Variants in DISC1 observed in about 807,000 individuals in gnomAD.
DISC1 encodes disrupted in schizophrenia 1 protein.
Under a neutral mutation model 84.5 loss-of-function variants are expected in DISC1, and 57 were observed. The observed-to-expected ratio is 0.67, with a 90% CI of 0.55 to 0.84. The LOEUF is 0.84. Among genes scored for constraint, DISC1 ranks in the 40% least tolerant of loss-of-function variants. The pLI, the probability that DISC1 is intolerant of heterozygous loss-of-function variation, is 0.00. For synonymous variants in DISC1, 411 were observed against 415.2 expected (o/e 0.99, Z 0.12); for missense variants, 1,000 against 1,057.8 (o/e 0.95, Z 0.76).
At chr1:231,891,699 C>T (rs761664906) in intron 9 of DISC1, among the ~76,000 whole-genome samples, 3 of 151,980 alleles carry the variant, frequency 2.0e-5, no homozygotes, top group Admixed American at 6.5e-5. Flanking sequence ...GTGGTGTGGG[C>T]GTCACCTGCT....
intron 9 of DISC1, among the ~76,000 whole-genome samples, chr1:231,949,605 CCTGGAAAACA>C (rs1657946536): frequency 6.6e-6 from 1 of 152,124 alleles, no homozygotes; most frequent in Non-Finnish European, 1.5e-5. Flanking sequence ...GCACCTCCAG[CCTGGAAAACA>C]CTGCGTAGTC....
At chr1:231,628,972 A>G (rs1274828012) in intron 1 of DISC1, among the ~76,000 whole-genome samples, 2 of 152,006 alleles carry the variant, frequency 1.3e-5, no homozygotes, top group Non-Finnish European at 2.9e-5. Flanking sequence ...CCTGGCTTCA[A>G]TCATTCCTCC....
At chr1:231,659,221 G>A (rs796397571) in intron 1 of DISC1, among the ~76,000 whole-genome samples, 34 of 152,180 alleles carry the variant, frequency 2.2e-4, no homozygotes, top group African/African-American at 7.7e-4. Flanking sequence ...GGGTGTATGT[G>A]TCTAGGAATT....
At chr1:231,918,930 T>C (rs1040775032) in intron 9 of DISC1, among the ~76,000 whole-genome samples, 1 of 152,248 alleles carries the variant, frequency 6.6e-6, no homozygotes, top group African/African-American at 2.4e-5. Flanking sequence ...TCTGTATGTG[T>C]TTGCTACATT....
chr1:231,894,462 A>G (rs1344795849), intron 9 of DISC1, among the ~76,000 whole-genome samples: 1 of 152,122 alleles, frequency 6.6e-6, no homozygotes, highest in Non-Finnish European at 1.5e-5. Context: ...TTGTCATACA[A>G]AAAATTTTAA....
chr1:231,701,598 A>G (rs2066426766), intron 2 of DISC1, among the ~76,000 whole-genome samples: 1 of 152,182 alleles, frequency 6.6e-6, no homozygotes, highest in African/African-American at 2.4e-5. Flanking sequence ...GTTTACCTTC[A>G]TAATTTAAAT....
intron 3 of DISC1, among the ~76,000 whole-genome samples, chr1:231,741,718 G>C (rs780798713): frequency 6.6e-6 from 1 of 152,200 alleles, no homozygotes; most frequent in Non-Finnish European, 1.5e-5. Context: ...GCCTGGGCTG[G>C]ATGTGGAGGA....
intron 3 of DISC1, among the ~76,000 whole-genome samples, chr1:231,736,469 T>TCACACACTGCAAATA (rs1204277517): frequency 2.6e-5 from 4 of 152,218 alleles, no homozygotes; most frequent in Admixed American, 1.3e-4. Flanking sequence ...CTGCAAAGTG[T>TCACACACTGCAAATA]TGTGAAAGAA....
At chr1:231,903,695 A>G (rs1188965976) in intron 9 of DISC1, among the ~76,000 whole-genome samples, 24 of 152,200 alleles carry the variant, frequency 1.6e-4, no homozygotes, top group Admixed American at 1.6e-3. Context: ...TTTAGGCCAC[A>G]GTGTGTTGGG....
intron 9 of DISC1, chr1:231,854,707 C>T (rs1465466303): frequency 5.8e-6 from 1 of 171,292 alleles, no homozygotes; most frequent in South Asian, 9.3e-5. Flanking sequence ...AACTAAGGAA[C>T]TAAAATAATT....
chr1:231,695,041 T>C (rs898321497), intron 2 of DISC1, among the ~76,000 whole-genome samples: 1 of 152,220 alleles, frequency 6.6e-6, no homozygotes, highest in East Asian at 1.9e-4. Flanking sequence ...TTGCTCTCCA[T>C]TGGGCCGCAG....
chr1:231,748,969 C>T (rs2074307681), intron 3 of DISC1, among the ~76,000 whole-genome samples: 1 of 152,186 alleles, frequency 6.6e-6, no homozygotes, highest in African/African-American at 2.4e-5. Context: ...TTTGCAAGGA[C>T]TGTAGGTGTT....
chr1:231,634,226 A>G (rs2059000157), intron 1 of DISC1, among the ~76,000 whole-genome samples: 1 of 152,000 alleles, frequency 6.6e-6, no homozygotes, highest in Admixed American at 6.6e-5. Flanking sequence ...TGATTATTGG[A>G]CTTTATTTTT....
chr1:231,633,534 A>G (rs1317041377), intron 1 of DISC1, among the ~76,000 whole-genome samples: 1 of 152,138 alleles, frequency 6.6e-6, no homozygotes, highest in African/African-American at 2.4e-5. Context: ...TTGGGCTTCC[A>G]CATTTTGCTT....
chr1:231,753,684 T>C (rs568524465), intron 4 of DISC1, among the ~76,000 whole-genome samples: 1 of 152,332 alleles, frequency 6.6e-6, no homozygotes, highest in East Asian at 1.9e-4. Flanking sequence ...GAAAATGGTC[T>C]TTTCTTTTCT....
chr1:231,878,631 T>A (rs1382084086), intron 9 of DISC1, among the ~76,000 whole-genome samples: 3 of 152,182 alleles, frequency 2.0e-5, no homozygotes, highest in African/African-American at 4.8e-5. Context: ...TCATTTTTTT[T>A]AAATGCCTTT....
intron 9 of DISC1, among the ~76,000 whole-genome samples, chr1:231,845,516 C>T (rs957435025): frequency 2.0e-5 from 3 of 152,096 alleles, no homozygotes; most frequent in African/African-American, 7.2e-5. Context: ...TGGAAGGTGG[C>T]CCAGTGACTT....
intron 4 of DISC1, among the ~76,000 whole-genome samples, chr1:231,755,840 C>G (rs1036128283): frequency 6.6e-6 from 1 of 152,184 alleles, no homozygotes; most frequent in African/African-American, 2.4e-5. Flanking sequence ...CTCACCTGCA[C>G]GTCAGTGCCT....
Position 232,009,110 on chromosome 1 carries a change from A to G in DISC1, c.2307+61A>G, listed in dbSNP as rs569912392. 1.2e-5 allele frequency: 20 copies of G among 1,608,116 alleles called. No homozygotes were observed. Among genetic ancestry groups the G allele is most frequent in the Middle Eastern group, 1.7e-4 (1 of 6,020 alleles). On this transcript the variant is annotated intron_variant, in intron 11 of 12. Coordinates refer to ENST00000439617, the MANE Select transcript of DISC1 (RefSeq NM_018662.3). This position sits in a 1 kb window ranked among gnomAD's most constrained non-coding sequence, Gnocchi z 4.6. Reference sequence around the variant, plus strand: ...TTATTCTAAGGGGTGCTTTGGGACCATGCTCCAAATGGGAACAATAAATAT... The same window carrying G: ...TTATTCTAAGGGGTGCTTTGGGACCGTGCTCCAAATGGGAACAATAAATAT...
Sources: allele counts gnomAD v4.1 joint callset (sites outside exome capture counted in the v4.1 genomes callset), GRCh38; gene constraint gnomAD v4.1.1; non-coding constraint Gnocchi (gnomAD v3.1); transcripts MANE v1.5; gene names NCBI Gene and HGNC (gene_info 2026-07-23, HGNC 2026-07-21).